Variants in NRG2 observed in about 807,000 individuals in gnomAD.
The protein encoded by NRG2 is neuregulin 2, also known as pro-neuregulin-2, membrane-bound isoform.
In NRG2, 27 loss-of-function variants were observed where a neutral mutation model predicts 73.9. The observed-to-expected ratio is 0.37, with a 90% CI of 0.27 to 0.50. NRG2 has a LOEUF of 0.50. Ranked by LOEUF, NRG2 falls within the 20% of genes least tolerant of loss-of-function variation. The pLI is 0.96. For synonymous variants in NRG2, 532 were observed against 541.0 expected (o/e 0.98, Z 0.23); for missense variants, 1,126 against 1,210.1 (o/e 0.93, Z 1.03).
At chr5:139,938,892 GAAAGAAAGAAAGA>G (rs879475811) in intron 1 of NRG2, among the ~76,000 whole-genome samples, 7,553 of 72,524 alleles carry the variant, frequency 0.1, 596 homozygotes, top group African/African-American at 0.17. Flanking sequence ...AGGAAAGAAA[GAAAGAAAGAAAGA>G]AAAGAAAGAA....
At chr5:139,898,591 C>T (rs115949804) in intron 1 of NRG2, among the ~76,000 whole-genome samples, 1 of 152,344 alleles carries the variant, frequency 6.6e-6, no homozygotes, top group African/African-American at 2.4e-5. Flanking sequence ...AAGCCTGTGA[C>T]CTCCTCTACC....
In NRG2 at chr5:140,008,029, C is replaced by T. The variant is rs1357852876; in HGVS notation, c.700+34341G>A. ...AGTCTGATACTGTGAGACCCACAGC[C>T]GCCAGTCCTATAGTAGGAAGCTGTC... On this transcript the variant is annotated intron_variant, in intron 1 of 9. Coordinates refer to ENST00000361474, the MANE Select transcript of NRG2 (RefSeq NM_004883.3). This position sits in a 1 kb window ranked among gnomAD's most constrained non-coding sequence, Gnocchi z 4.2. Among the ~76,000 whole-genome samples, 3 of 152,208 alleles carry T rather than the reference C, an allele frequency of 2.0e-5. No homozygotes were observed. Among genetic ancestry groups the T allele is most frequent in the South Asian group, 2.1e-4 (1 of 4,832 alleles).
intron 5 of NRG2, 76 bp from the exon 6 acceptor site, chr5:139,855,854 GC>G: frequency 1.7e-6 from 2 of 1,153,818 alleles, no homozygotes; most frequent in Non-Finnish European, 2.6e-6. Flanking sequence ...AGACCCCTTT[GC>G]CCCCAAAGCC....
At chr5:139,997,178 A>T (rs890526961) in intron 1 of NRG2, among the ~76,000 whole-genome samples, 46 of 152,280 alleles carry the variant, frequency 3.0e-4, no homozygotes, top group African/African-American at 1.1e-3. Flanking sequence ...GGAAATAAAA[A>T]TAAAAGAAAA....
intron 1 of NRG2, among the ~76,000 whole-genome samples, chr5:139,935,424 T>C (rs964640326): frequency 4.6e-5 from 7 of 152,194 alleles, no homozygotes; most frequent in African/African-American, 9.7e-5. Context: ...TTGTTTCAAG[T>C]GCATAGAGAA....
At chr5:140,036,821 T>G (rs569319988) in intron 1 of NRG2, among the ~76,000 whole-genome samples, 2 of 152,208 alleles carry the variant, frequency 1.3e-5, no homozygotes, top group Non-Finnish European at 2.9e-5. Flanking sequence ...AACAAGTTGT[T>G]GAAAACTGCA....
At chr5:139,878,518 A>G (rs1214813565) in intron 3 of NRG2, among the ~76,000 whole-genome samples, 1 of 152,232 alleles carries the variant, frequency 6.6e-6, no homozygotes, top group African/African-American at 2.4e-5. Context: ...AGGCCAACAC[A>G]TAGTGAGAGA....
chr5:139,856,817 GCACA>G lies in NRG2; in HGVS notation c.1190-1043_1190-1040del, dbSNP rs1381266002. ...ACACACACCTGCACACACAACATAT[GCACA>G]CACACAGAGTTAACCACACACTCCA... On this transcript the variant is annotated intron_variant, in intron 5 of 9. Transcript: ENST00000361474. This position sits in a 1 kb window ranked among gnomAD's most constrained non-coding sequence, Gnocchi z 4.2. 1.3e-5 allele frequency among the ~76,000 whole-genome samples: 2 copies of G among 152,158 alleles called. No individual in the cohort carries two copies. The highest frequency in any genetic ancestry group is 2.1e-4 in the South Asian group (1 of 4,806).
At chr5:140,015,069 C>G (rs964219039) in intron 1 of NRG2, among the ~76,000 whole-genome samples, 1 of 152,194 alleles carries the variant, frequency 6.6e-6, no homozygotes, top group Non-Finnish European at 1.5e-5. Context: ...GTTCTCTGCT[C>G]TAATGTCACG....
In NRG2 at chr5:139,853,795, G is replaced by A; in HGVS notation, c.1293-768C>T. 6.6e-6 allele frequency among the ~76,000 whole-genome samples: 1 copy of A among 152,130 alleles called. No individual in the cohort carries two copies. The highest frequency in any genetic ancestry group is 2.4e-5 in the African/African-American group (1 of 41,404). On this transcript the variant is annotated intron_variant, in intron 6 of 9. Coordinates refer to ENST00000361474, the MANE Select transcript of NRG2 (RefSeq NM_004883.3). This position sits in a 1 kb window ranked among gnomAD's most constrained non-coding sequence, Gnocchi z 4.1. ...GGGAAAGGAAGTGGGGGGTTGGGAG[G>A]GAGGTGGGGATGGTTCATGGGTACA...
rs910062981 is a variant in NRG2, at chr5:140,008,616, G to T, written c.700+33754C>A. Among the ~76,000 whole-genome samples, 1 of 152,204 alleles carries T rather than the reference G, an allele frequency of 6.6e-6. No individual in the cohort carries two copies. Among genetic ancestry groups the T allele is most frequent in the African/African-American group, 2.4e-5 (1 of 41,464 alleles). On this transcript the variant is annotated intron_variant, in intron 1 of 9. Coordinates refer to ENST00000361474, the MANE Select transcript of NRG2 (RefSeq NM_004883.3). This position sits in a 1 kb window ranked among gnomAD's most constrained non-coding sequence, Gnocchi z 4.2. ...GAGAAAAACTAAAACCAAATGAAATGTATATACACTACAGTGAATTCCAGA... is the reference window on the plus strand; with the variant it reads ...GAGAAAAACTAAAACCAAATGAAATTTATATACACTACAGTGAATTCCAGA...
rs935681347 is a variant in NRG2, at chr5:139,848,655, C to G, written c.1815G>C (p.Val605=). 4 of 1,571,632 alleles carry G rather than the reference C, an allele frequency of 2.5e-6. No homozygotes were observed. The highest frequency in any genetic ancestry group is 3.4e-6 in the Non-Finnish European group (4 of 1,168,432). The change falls in exon 10 of 10, where the codon GTG becomes GTC. Residue 605 remains valine (V), a synonymous_variant. Coordinates refer to ENST00000361474, the MANE Select transcript of NRG2 (RefSeq NM_004883.3). ...ALTTPARLSP[V]DFHYSLATQV... ...GCGTGGCCAGCGAGTAGTGGAAGTC[C>G]ACGGGCGAGAGGCGCGCGGGCGTGG...
chr5:139,852,695 G>A lies in NRG2; in HGVS notation c.1417-136C>T, dbSNP rs1761528989. 7.0e-7 allele frequency: 1 copy of A among 1,435,858 alleles called. No individual in the cohort carries two copies. The highest frequency in any genetic ancestry group is 9.5e-7 in the Non-Finnish European group (1 of 1,053,560). 88.9% of individuals were successfully genotyped at this position (1,435,858 alleles called of 1,614,324 possible). A position where few individuals can be genotyped will look rare whatever the true frequency, so the allele number is the denominator to read the frequency against. ...CACTGTGTGAGAGTGACTTGATGTT[G>A]GGGCAGCGATGGCTCCAGCAAATCA... On this transcript the variant is annotated intron_variant, in intron 7 of 9. Coordinates refer to ENST00000361474, the MANE Select transcript of NRG2 (RefSeq NM_004883.3). The surrounding 1 kb of genome is among the most constrained non-coding windows in gnomAD (Gnocchi z 4.4).
At chr5:139,965,979 T>C (rs1209877245) in intron 1 of NRG2, among the ~76,000 whole-genome samples, 1 of 152,208 alleles carries the variant, frequency 6.6e-6, no homozygotes, top group Non-Finnish European at 1.5e-5. Context: ...TTTCTAATTT[T>C]TTTTTTATAT....
intron 1 of NRG2, among the ~76,000 whole-genome samples, chr5:140,011,325 C>T (rs979432031): frequency 1.3e-5 from 2 of 152,188 alleles, no homozygotes; most frequent in African/African-American, 2.4e-5. Flanking sequence ...AATCTTCCTT[C>T]GGGATTATGG....
chr5:140,011,465 G>C (rs775758475), intron 1 of NRG2, among the ~76,000 whole-genome samples: 19 of 152,112 alleles, frequency 1.2e-4, no homozygotes, highest in Non-Finnish European at 2.1e-4. Context: ...AAAAGTGATG[G>C]GAGGTCAGTT....
At chr5:139,858,889 A>G (rs568834047) in intron 5 of NRG2, among the ~76,000 whole-genome samples, 1 of 152,204 alleles carries the variant, frequency 6.6e-6, no homozygotes, top group South Asian at 2.1e-4. Flanking sequence ...CTTACACACA[A>G]ACTTTGCAAT....
intron 5 of NRG2, among the ~76,000 whole-genome samples, chr5:139,858,496 G>T (rs1761946252): frequency 6.6e-6 from 1 of 152,182 alleles, no homozygotes; most frequent in Non-Finnish European, 1.5e-5. Context: ...TTTCCTGTTT[G>T]CTTGTTGTCA....
intron 1 of NRG2, among the ~76,000 whole-genome samples, chr5:139,938,872 GAGA>G (rs1753060354): frequency 9.6e-6 from 1 of 104,544 alleles, no homozygotes; most frequent in Non-Finnish European, 1.8e-5. Flanking sequence ...GAGAGAGAGA[GAGA>G]GAGAGAAGGA....
Sources: allele counts gnomAD v4.1 joint callset (sites outside exome capture counted in the v4.1 genomes callset), GRCh38; gene constraint gnomAD v4.1.1; non-coding constraint Gnocchi (gnomAD v3.1); transcripts MANE v1.5; gene names NCBI Gene and HGNC (gene_info 2026-07-23, HGNC 2026-07-21).